Variants in CLIP1 observed in about 807,000 individuals in gnomAD.
CLIP1 encodes the protein CAP-Gly domain containing linker protein 1, also known as CAP-Gly domain-containing linker protein 1.
A neutral mutation model predicts 161.6 loss-of-function variants in CLIP1; 66 were observed. The observed-to-expected ratio is 0.41, with a 90% CI of 0.33 to 0.50. The LOEUF (loss-of-function observed/expected upper bound fraction) is 0.50, where lower values mean the gene tolerates loss of function less well. CLIP1 is among the 20% of genes least tolerant of loss of function. CLIP1 has a pLI of 0.27. For synonymous variants in CLIP1, 598 were observed against 626.2 expected, an observed-to-expected ratio of 0.96 and a Z score of 0.67; for missense variants, 1,376 against 1,702.0, an observed-to-expected ratio of 0.81 and a Z score of 3.37.
At chr12:122,300,947 C>T (rs192351804) in intron 20 of CLIP1, among the ~76,000 whole-genome samples, 66 of 152,316 alleles carry the variant, frequency 4.3e-4, no homozygotes, top group Non-Finnish European at 7.6e-4. Flanking sequence ...CTTATATAGT[C>T]TTCCTACTAA....
intron 1 of CLIP1, among the ~76,000 whole-genome samples, chr12:122,404,534 A>T (rs570456666): frequency 6.6e-6 from 1 of 152,026 alleles, no homozygotes; most frequent in Non-Finnish European, 1.5e-5. Context: ...GGGGAGGTGG[A>T]GGTTGCAGTG....
chr12:122,319,187 T>TA (rs1951386008), intron 18 of CLIP1, 45 bp downstream of exon 18: 1 of 1,293,286 alleles, frequency 7.7e-7, no homozygotes, highest in Non-Finnish European at 1.1e-6. Flanking sequence ...TTCTACCAAG[T>TA]TGGTAAGCTG....
At chr12:122,330,597 G>GTTTTTTTTTTTTTGTTTTGTTT (rs1555265518) in intron 15 of CLIP1, among the ~76,000 whole-genome samples, 1 of 101,382 alleles carries the variant, frequency 9.9e-6, no homozygotes, top group African/African-American at 4.4e-5. Flanking sequence ...GTATAATGCA[G>GTTTTTTTTTTTTTGTTTTGTTT]TTTTTTTTTT....
chr12:122,313,915 G>GA (rs1424895858), intron 19 of CLIP1, among the ~76,000 whole-genome samples: 1 of 152,064 alleles, frequency 6.6e-6, no homozygotes, highest in Non-Finnish European at 1.5e-5. Flanking sequence ...CCAGCACTTT[G>GA]GGAGGTCAAG....
At chr12:122,408,450 G>A (rs1433977008) in intron 1 of CLIP1, among the ~76,000 whole-genome samples, 1 of 151,786 alleles carries the variant, frequency 6.6e-6, no homozygotes, top group Non-Finnish European at 1.5e-5. Context: ...CCAGGTTCAC[G>A]CCATTCTTCT....
chr12:122,281,492 G>A (rs567003987), intron 21 of CLIP1, among the ~76,000 whole-genome samples: 1 of 151,866 alleles, frequency 6.6e-6, no homozygotes, highest in Non-Finnish European at 1.5e-5. Context: ...TTCGAGACCA[G>A]CCTGGTTGAC....
intron 1 of CLIP1, among the ~76,000 whole-genome samples, chr12:122,411,105 A>G (rs797003745): frequency 1.3e-5 from 2 of 152,310 alleles, no homozygotes; most frequent in African/African-American, 2.4e-5. Context: ...AAAAGCAAGC[A>G]TATGTCTACA....
Position 122,376,355 on chromosome 12 carries a change from G to A in CLIP1, c.657+1034C>T, listed in dbSNP as rs1477359744. Among the ~76,000 whole-genome samples, 6 of 152,224 alleles carry A rather than the reference G, an allele frequency of 3.9e-5. 1 individual carries two copies. In the East Asian group the frequency reaches 5.8e-4, roughly 15 times the overall value. On this transcript the variant is annotated intron_variant, in intron 3 of 25. Coordinates refer to ENST00000620786, the MANE Select transcript of CLIP1 (RefSeq NM_001247997.2). ...GGCGTAAGCCACCGTACCTAGCCAC[G>A]GTTACCTTACTATTTACAAGTTCCT...
intron 17 of CLIP1, among the ~76,000 whole-genome samples, chr12:122,321,776 C>T (rs559518246): frequency 5.4e-4 from 83 of 152,324 alleles, no homozygotes; most frequent in African/African-American, 1.9e-3. Context: ...ACCTCAGCCT[C>T]CCAAAGTGCT....
At chr12:122,384,532 T>G (rs1955149576) in intron 1 of CLIP1, among the ~76,000 whole-genome samples, 1 of 151,902 alleles carries the variant, frequency 6.6e-6, no homozygotes, top group African/African-American at 2.4e-5. Flanking sequence ...AAGGCTGAGG[T>G]GGGCGGATCA....
At chr12:122,273,800 C>T (rs1278644206) in intron 25 of CLIP1, among the ~76,000 whole-genome samples, 1 of 151,752 alleles carries the variant, frequency 6.6e-6, no homozygotes, top group East Asian at 1.9e-4. Context: ...GGCGCAATCT[C>T]GGCTCATTGC....
At chr12:122,294,484 C>T (rs1021166981) in intron 20 of CLIP1, among the ~76,000 whole-genome samples, 4 of 151,816 alleles carry the variant, frequency 2.6e-5, no homozygotes, top group Admixed American at 6.6e-5. Flanking sequence ...TCAGAGTGAC[C>T]GGGCACAGTG....
At chr12:122,340,112 CT>C (rs1952428799) in intron 11 of CLIP1, among the ~76,000 whole-genome samples, 1 of 147,592 alleles carries the variant, frequency 6.8e-6, no homozygotes, top group South Asian at 2.1e-4. Context: ...GAGTCTTGCT[CT>C]GTCTCCCAGG....
chr12:122,417,911 G>A (rs1271157698), intron 1 of CLIP1, among the ~76,000 whole-genome samples: 1 of 151,976 alleles, frequency 6.6e-6, no homozygotes, highest in Non-Finnish European at 1.5e-5. Flanking sequence ...TTCTCCCTAG[G>A]ATGTTTTTCT....
At position 122,313,556 on chromosome 12, in the gene CLIP1, G is replaced by A. The variant is rs113677806; in HGVS notation, c.3473+3193C>T. ...AGCCTGATCAACATGGAGAAACCCC[G>A]TCTCTACTAAAAATACAAAATTAGC... On this transcript the variant is annotated intron_variant, in intron 19 of 25. Transcript: ENST00000620786. Among the ~76,000 whole-genome samples, 832 of 151,670 alleles carry A rather than the reference G, an allele frequency of 5.5e-3. 9 individuals carry two copies. The highest frequency in any genetic ancestry group is 0.018 in the African/African-American group (755 of 41,364).
At chr12:122,376,246 A>AT (rs1954725313) in intron 3 of CLIP1, among the ~76,000 whole-genome samples, 1 of 151,666 alleles carries the variant, frequency 6.6e-6, no homozygotes, top group South Asian at 2.1e-4. Context: ...CAATTATTTT[A>AT]TTTTTTATAG....
intron 19 of CLIP1, among the ~76,000 whole-genome samples, chr12:122,315,652 T>C (rs7314948): frequency 2.6e-4 from 2 of 7,734 alleles, no homozygotes; most frequent in Non-Finnish European, 6.9e-4. Flanking sequence ...TTTCTTTTTT[T>C]TTTTTTGAGA....
intron 11 of CLIP1, among the ~76,000 whole-genome samples, chr12:122,339,280 A>G (rs1952381645): frequency 6.6e-6 from 1 of 152,204 alleles, no homozygotes; most frequent in African/African-American, 2.4e-5. Context: ...TCTGCCATGC[A>G]AAGGGCTCCA....
chr12:122,344,012 G>A (rs1455138544), intron 10 of CLIP1: 3 of 152,336 alleles, frequency 2.0e-5, no homozygotes, highest in African/African-American at 7.2e-5. Context: ...GTGGCCAGGA[G>A]TTCAAGATCA....
Sources: gnomAD v4.1 joint callset for allele counts (sites outside exome capture counted in the v4.1 genomes callset) on GRCh38, gnomAD v4.1.1 for gene constraint, MANE v1.5 for transcripts, NCBI Gene and HGNC (gene_info 2026-07-23, HGNC 2026-07-21) for gene names.